The following TSPAN5 variants were observed in gnomAD, a reference collection of about 807,000 sequenced individuals.
The protein encoded by TSPAN5 is tetraspanin-5.
Under a neutral mutation model 37.1 loss-of-function variants are expected in TSPAN5, and 10 were observed. The ratio of observed to expected loss-of-function variants is 0.27; its 90% confidence interval spans 0.17 to 0.46. The LOEUF (loss-of-function observed/expected upper bound fraction) is 0.46, where lower values mean the gene tolerates loss of function less well. Among genes scored for constraint, TSPAN5 ranks in the 20% least tolerant of loss-of-function variants. TSPAN5 has a pLI of 1.00. For missense variants in TSPAN5, 195 were observed against 326.6 expected (o/e 0.60, Z 3.11); for synonymous variants, 110 against 118.9 (o/e 0.93, Z 0.48).
chr4:98,521,739 C>T (rs936261134), intron 1 of TSPAN5, among the ~76,000 whole-genome samples: 2 of 152,206 alleles, frequency 1.3e-5, no homozygotes, highest in African/African-American at 4.8e-5. Context: ...GCTGAGGAGG[C>T]TGCTGAGATA....
chr4:98,472,595 AG>A lies in TSPAN5; in HGVS notation c.742-9del. The A allele has an allele frequency of 6.2e-7, 1 of 1,612,772 alleles. No individual in the cohort carries two copies. Among genetic ancestry groups the A allele is most frequent in the Non-Finnish European group, 8.5e-7 (1 of 1,179,340 alleles). ...CAGGCATATCCCAAATATCTGAGAA[AG>A]GAAGAAAATGTGAGTGAAACAGTGA... On this transcript the variant is annotated splice_polypyrimidine_tract_variant and intron_variant, in intron 7 of 7. Coordinates refer to ENST00000305798, the MANE Select transcript of TSPAN5 (RefSeq NM_005723.4).
At chr4:98,564,692 A>ATTTTTTTTTT (rs1442848170) in intron 1 of TSPAN5, among the ~76,000 whole-genome samples, 1 of 143,562 alleles carries the variant, frequency 7.0e-6, no homozygotes. Context: ...GTGTTTCTAA[A>ATTTTTTTTTT]TTTTTTTTTT....
rs1290430491 is a variant in TSPAN5 at position 98,599,429 on chromosome 4, T to A, written c.81+58717A>T. Among the ~76,000 whole-genome samples the A allele has an allele frequency of 4.0e-5, 6 of 151,402 alleles. No individual in the cohort carries two copies. In the East Asian group the frequency reaches 7.7e-4, roughly 19 times the overall value. ...TCTTTACTTTTTAAAAGAAACTTTT[T>A]AAAAAAATTCAACTTTGAGGTATAA... On this transcript the variant is annotated intron_variant, in intron 1 of 7. Transcript: ENST00000305798.
chr4:98,599,245 AC>A (rs952191186), intron 1 of TSPAN5, among the ~76,000 whole-genome samples: 6 of 151,946 alleles, frequency 3.9e-5, no homozygotes, highest in Non-Finnish European at 8.8e-5. Context: ...GGCTCAAGGG[AC>A]CCTCCTGCGT....
chr4:98,486,968 T>TC, intron 2 of TSPAN5, 84 bp from the exon 3 acceptor site: 2 of 1,457,958 alleles, frequency 1.4e-6, no homozygotes, highest in Non-Finnish European at 1.9e-6. Context: ...ATTTGTCCTT[T>TC]CCCCTCCCAA....
intron 1 of TSPAN5, among the ~76,000 whole-genome samples, chr4:98,634,873 C>T (rs1756820779): frequency 6.6e-6 from 1 of 152,178 alleles, no homozygotes; most frequent in Admixed American, 6.5e-5. Context: ...GATGTCCATT[C>T]TTTGGAAAGT....
intron 7 of TSPAN5, among the ~76,000 whole-genome samples, chr4:98,474,003 T>C (rs1339428077): frequency 6.6e-6 from 1 of 152,228 alleles, no homozygotes; most frequent in Non-Finnish European, 1.5e-5. Flanking sequence ...GAGTTATCTT[T>C]TCACTGTCTT....
intron 1 of TSPAN5, among the ~76,000 whole-genome samples, chr4:98,643,813 C>T (rs1003462045): frequency 7.2e-5 from 11 of 152,254 alleles, no homozygotes; most frequent in Admixed American, 6.5e-4. Flanking sequence ...GAACTTGGTA[C>T]CAAAGAAAAC....
intron 1 of TSPAN5, among the ~76,000 whole-genome samples, chr4:98,555,691 G>A (rs1387682589): frequency 6.6e-6 from 1 of 151,948 alleles, no homozygotes; most frequent in Non-Finnish European, 1.5e-5. Flanking sequence ...ATGCTAAAAG[G>A]GTAAATATAG....
chr4:98,636,915 A>G (rs536350967), intron 1 of TSPAN5, among the ~76,000 whole-genome samples: 1 of 152,296 alleles, frequency 6.6e-6, no homozygotes, highest in Non-Finnish European at 1.5e-5. Flanking sequence ...CCCTAGGCCC[A>G]GTGGAGACCA....
intron 1 of TSPAN5, among the ~76,000 whole-genome samples, chr4:98,624,285 C>G (rs1398789488): frequency 6.6e-6 from 1 of 151,030 alleles, no homozygotes; most frequent in Non-Finnish European, 1.5e-5. Context: ...AAAAACAAAC[C>G]ACAACGCTAG....
At chr4:98,520,460 G>C (rs1753829202) in intron 1 of TSPAN5, among the ~76,000 whole-genome samples, 1 of 152,278 alleles carries the variant, frequency 6.6e-6, no homozygotes, top group South Asian at 2.1e-4. Flanking sequence ...ACTGGCCTGG[G>C]GGCACCTCTG....
chr4:98,497,409 C>T (rs958442137), intron 2 of TSPAN5, among the ~76,000 whole-genome samples: 5 of 152,052 alleles, frequency 3.3e-5, no homozygotes, highest in South Asian at 2.1e-4. Context: ...GGCTGCAAAC[C>T]GAGGGCCCTC....
chr4:98,510,944 A>G (rs1303873529), intron 1 of TSPAN5, among the ~76,000 whole-genome samples: 1 of 152,190 alleles, frequency 6.6e-6, no homozygotes, highest in Non-Finnish European at 1.5e-5. Flanking sequence ...GAGCCAAAAA[A>G]CAGAGACAGG....
At position 98,638,153 on chromosome 4, in the gene TSPAN5, A is replaced by G. The variant is rs189572392; in HGVS notation, c.81+19993T>C. On this transcript the variant is annotated intron_variant, in intron 1 of 7. Coordinates refer to ENST00000305798, the MANE Select transcript of TSPAN5 (RefSeq NM_005723.4). Reference sequence around the variant, plus strand: ...TGGGGCTGTCTACGCTCCTGATGCCATGAGTTCTCCTGCCCCTGCCACCAT... The same window carrying G: ...TGGGGCTGTCTACGCTCCTGATGCCGTGAGTTCTCCTGCCCCTGCCACCAT... Among the ~76,000 whole-genome samples the G allele has an allele frequency of 2.7e-3, 407 of 152,230 alleles. 6 individuals carry two copies. The highest frequency in any genetic ancestry group is 9.2e-3 in the African/African-American group (382 of 41,530).
chr4:98,604,647 A>C (rs936842356), intron 1 of TSPAN5, among the ~76,000 whole-genome samples: 5 of 152,248 alleles, frequency 3.3e-5, no homozygotes, highest in Non-Finnish European at 7.3e-5. Flanking sequence ...ACAAACTAGA[A>C]TAAGCCCAGG....
Position 98,478,725 on chromosome 4 carries a change from C to T in TSPAN5, c.536G>A (p.Arg179Gln), listed in dbSNP as rs1450691658. ...NCTDSNASRE[R>Q]CGVPFSCCTK... ...GCAGCAGGAGAATGGAACGCCACAT[C>T]GCTCTCGACTTGCATTGGAATCTGT... is the stretch of plus-strand genomic sequence containing the variant. The change falls in exon 5 of 8, where the codon CGA (arginine) becomes CAA (glutamine). Residue 179 changes from arginine to glutamine, a missense_variant. Coordinates refer to ENST00000305798, the MANE Select transcript of TSPAN5 (RefSeq NM_005723.4). 1.9e-6 allele frequency: 3 copies of T among 1,614,040 alleles called. No individual in the cohort carries two copies. Among genetic ancestry groups the T allele is most frequent in the South Asian group, 1.1e-5 (1 of 91,088 alleles).
intron 1 of TSPAN5, among the ~76,000 whole-genome samples, chr4:98,524,133 T>G (rs1208047343): frequency 2.0e-5 from 3 of 152,246 alleles, no homozygotes; most frequent in African/African-American, 7.2e-5. Flanking sequence ...CTGTGCATTA[T>G]TCAGTTAATC....
intron 1 of TSPAN5, among the ~76,000 whole-genome samples, chr4:98,587,817 A>C (rs749318767): frequency 6.6e-6 from 1 of 152,080 alleles, no homozygotes; most frequent in Non-Finnish European, 1.5e-5. Flanking sequence ...TGAACTGAGG[A>C]GGCGAAGGCA....
Sources: gnomAD v4.1 joint callset for allele counts (sites outside exome capture counted in the v4.1 genomes callset) on GRCh38, gnomAD v4.1.1 for gene constraint, MANE v1.5 for transcripts, NCBI Gene and HGNC (gene_info 2026-07-23, HGNC 2026-07-21) for gene names.